Variants in ZBTB40 observed in about 807,000 individuals in gnomAD.
The protein encoded by ZBTB40 is zinc finger and BTB domain containing 40.
ZBTB40 carries 60 observed loss-of-function variants against 117.5 expected under a neutral mutation model. The ratio of observed to expected loss-of-function variants is 0.51; its 90% confidence interval spans 0.41 to 0.63. ZBTB40 has a LOEUF of 0.63. ZBTB40 is among the 30% of genes least tolerant of loss of function. The pLI is 0.00. For synonymous variants in ZBTB40, 525 were observed against 577.1 expected (o/e 0.91, Z 1.29); for missense variants, 1,287 against 1,498.5 (o/e 0.86, Z 2.33).
chr1:22,479,691 C>T (rs1166044005), intron 1 of ZBTB40, among the ~76,000 whole-genome samples: 2 of 152,214 alleles, frequency 1.3e-5, no homozygotes, highest in East Asian at 1.9e-4. Flanking sequence ...CACATGTTCT[C>T]CAGTGTCTCC....
chr1:22,522,788 CAG>C (rs1403995816), intron 16 of ZBTB40, among the ~76,000 whole-genome samples: 4 of 146,234 alleles, frequency 2.7e-5, no homozygotes, highest in Non-Finnish European at 5.9e-5. Context: ...TTTTTTGAGA[CAG>C]AGTCTCACTC....
rs368689195 is a variant in ZBTB40 at position 22,507,925 on chromosome 1, C to A, written c.1361-76C>A. ...TGTGCTGATTGCTCTCTTCCTCTCT[C>A]ATTGGTAATATCCTGGAGTCTTCTG... On this transcript the variant is annotated intron_variant, in intron 6 of 17. Transcript: ENST00000375647. The A allele has an allele frequency of 1.6e-5, 25 of 1,608,482 alleles. No homozygotes were observed. In the East Asian group the frequency reaches 2.5e-4, roughly 16 times the overall value.
chr1:22,456,066 A>T (rs1423604954), intron 1 of ZBTB40, among the ~76,000 whole-genome samples: 1 of 152,020 alleles, frequency 6.6e-6, no homozygotes, highest in Non-Finnish European at 1.5e-5. Context: ...TTGAATTGGG[A>T]TATATGGTTT....
rs773414943 is a variant in ZBTB40 at position 22,490,547 on chromosome 1, C to T, written c.599C>T (p.Ala200Val). 50 of 1,612,850 alleles carry T rather than the reference C, an allele frequency of 3.1e-5. No individual in the cohort carries two copies. Among genetic ancestry groups the T allele is most frequent in the Non-Finnish European group, 4.2e-5 (49 of 1,179,452 alleles). Reference protein sequence around the residue: ...SPTAQESQRNAETPAETPTTA... With the variant: ...SPTAQESQRNVETPAETPTTA... ...ACAGCCCAGGAGAGCCAGAGGAATG[C>T]AGAAACCCCAGCGGAGACTCCTACT... Residue 200 changes from alanine (A) to valine (V), a missense_variant, in exon 2 of 18, where the codon GCA (alanine) becomes GTA (valine). Transcript: ENST00000375647.
intron 1 of ZBTB40, among the ~76,000 whole-genome samples, chr1:22,461,462 C>A (rs114067298): frequency 0.015 from 2,260 of 152,038 alleles, 61 homozygotes; most frequent in African/African-American, 0.052. Flanking sequence ...GAGAAGTTAT[C>A]CTCTTTTACG....
rs1429454811 is a variant in ZBTB40, at chr1:22,512,124, C to T, written c.2451C>T (p.Ala817=). ...GTGACCTCTGTGGCAGAGAATTTGCCCATGCCTCAGGTACGTTCAAGAAGG... is the reference window on the plus strand; with the variant it reads ...GTGACCTCTGTGGCAGAGAATTTGCTCATGCCTCAGGTACGTTCAAGAAGG... ...VTCDLCGREF[A]HASGMQYHKL... The change falls in exon 11 of 18, where the codon GCC becomes GCT. Residue 817 remains alanine (A), a synonymous_variant. Transcript: ENST00000375647. 1.9e-6 allele frequency: 3 copies of T among 1,612,828 alleles called. No homozygotes were observed. The highest frequency in any genetic ancestry group is 2.5e-6 in the Non-Finnish European group (3 of 1,180,018).
At chr1:22,523,893 T>C (rs1639605534) in intron 16 of ZBTB40, among the ~76,000 whole-genome samples, 1 of 152,212 alleles carries the variant, frequency 6.6e-6, no homozygotes, top group African/African-American at 2.4e-5. Flanking sequence ...TGATGAAATA[T>C]AGTATCGTCA....
intron 1 of ZBTB40, among the ~76,000 whole-genome samples, chr1:22,485,728 C>G (rs1217245149): frequency 6.6e-6 from 1 of 152,056 alleles, no homozygotes; most frequent in African/African-American, 2.4e-5. Context: ...GTTAGATATT[C>G]TGTTCTGTTT....
intron 15 of ZBTB40, 66 bp downstream of exon 15, chr1:22,521,724 C>T: frequency 6.2e-7 from 1 of 1,600,396 alleles, no homozygotes; most frequent in Non-Finnish European, 8.6e-7. Context: ...TGGGCCCCAC[C>T]AGAAATCCCC....
intron 1 of ZBTB40, among the ~76,000 whole-genome samples, chr1:22,453,822 T>G (rs1436723991): frequency 6.6e-6 from 1 of 152,230 alleles, no homozygotes; most frequent in Admixed American, 6.5e-5. Flanking sequence ...AGGAGGTCCT[T>G]AAGGGCAGGG....
Position 22,506,087 on chromosome 1 carries a change from G to A in ZBTB40, c.1206G>A (p.Glu402=). The change falls in exon 6 of 18, where the codon GAG becomes GAA. Residue 402 remains glutamate, a synonymous_variant. Transcript: ENST00000375647. ...GCTGTGAGGGCAGAACACCCAAGGA[G>A]ACAATAGAAAATTTGTTGCACAGAA... ...LNCCEGRTPK[E]TIENLLHRMT... The A allele has an allele frequency of 1.9e-6, 3 of 1,614,154 alleles. No individual in the cohort carries two copies. The highest frequency in any genetic ancestry group is 2.7e-5 in the African/African-American group (2 of 75,040).
Position 22,526,237 on chromosome 1 carries a change from G to C in ZBTB40, c.3561G>C (p.Glu1187Asp). 1 of 1,614,208 alleles carries C rather than the reference G, an allele frequency of 6.2e-7. No homozygotes were observed. Among genetic ancestry groups the C allele is most frequent in the Non-Finnish European group, 8.5e-7 (1 of 1,180,042 alleles). ...IQTPEPVAPTEQVITLEETQL... is the reference protein window; with the variant it reads ...IQTPEPVAPTDQVITLEETQL... ...CCCCAGAGCCGGTGGCCCCGACAGA[G>C]CAGGTGATCACTTTGGAGGAGACCC... Residue 1187 changes from glutamate (E) to aspartate (D), a missense_variant, in exon 18 of 18, where the codon GAG (glutamate) becomes GAC (aspartate). By Grantham distance (45) the Glu-to-Asp change is conservative. Transcript: ENST00000375647.
chr1:22,435,564 T>A lies in ZBTB40; in HGVS notation c.-70+6550T>A, dbSNP rs551453665. Among the ~76,000 whole-genome samples, 6 of 152,274 alleles carry A rather than the reference T, an allele frequency of 3.9e-5. No individual in the cohort carries two copies. In the East Asian group the frequency reaches 1.2e-3, roughly 29 times the overall value. On this transcript the variant is annotated intron_variant, in intron 1 of 8. Coordinates refer to the ZBTB40 transcript ENST00000650433. Reference sequence around the variant, plus strand: ...CTCATTTTTCTTGGATTGTACAGAATAATACCTTCAATTTAATGTTAAAGA... The same window carrying A: ...CTCATTTTTCTTGGATTGTACAGAAAAATACCTTCAATTTAATGTTAAAGA...
rs779514773 is a variant in ZBTB40 at position 22,508,049 on chromosome 1, A to G, written c.1409A>G (p.His470Arg). 4 of 1,614,226 alleles carry G rather than the reference A, an allele frequency of 2.5e-6. No homozygotes were observed. The South Asian group carries it at 3.3e-5, about 13-fold the overall frequency. Residue 470 changes from histidine (H) to arginine (R), a missense_variant, in exon 7 of 18, where the codon CAT (histidine) becomes CGT (arginine). By Grantham distance (29) the His-to-Arg change is conservative. This residue lies in a region of ZBTB40 where 870 missense variants were observed against 934.4 expected (regional missense o/e 0.93). Transcript: ENST00000375647. ...DYGTELLRRY[H>R]ENLSEIFTDN... is the part of the protein sequence containing the mutation. ...GGGACTGAGCTATTGAGACGCTATC[A>G]TGAAAACCTCTCTGAGATTTTCACA... is the stretch of plus-strand genomic sequence containing the variant.
chr1:22,520,334 T>C, intron 14 of ZBTB40, 59 bp downstream of exon 14: 1 of 1,413,492 alleles, frequency 7.1e-7, no homozygotes, highest in South Asian at 1.2e-5. Context: ...CTCCATTTGA[T>C]CTTCCCTGAT....
intron 12 of ZBTB40, among the ~76,000 whole-genome samples, chr1:22,515,765 G>T (rs1274285060): frequency 1.3e-5 from 2 of 152,214 alleles, no homozygotes; most frequent in Non-Finnish European, 2.9e-5. Context: ...ACACAGGTTT[G>T]AGGAATTAGG....
At chr1:22,453,338 C>G (rs981605919) in intron 1 of ZBTB40, among the ~76,000 whole-genome samples, 1 of 152,116 alleles carries the variant, frequency 6.6e-6, no homozygotes, top group African/African-American at 2.4e-5. Flanking sequence ...CATGCATGTA[C>G]GCATGCATTC....
chr1:22,451,895 C>T lies in ZBTB40; in HGVS notation c.-179C>T, dbSNP rs1234589226. On this transcript the variant is annotated 5_prime_UTR_variant, in exon 1 of 18. Coordinates refer to ENST00000375647, the MANE Select transcript of ZBTB40 (RefSeq NM_014870.4). ...CCTCAAGATGGCCGCCTTCTGGCGT[C>T]TCCGGCGCTGTTGAATGGCGAAAGC... 1 of 152,372 alleles carries T rather than the reference C, an allele frequency of 6.6e-6. No individual in the cohort carries two copies. Among genetic ancestry groups the T allele is most frequent in the Non-Finnish European group, 1.5e-5 (1 of 68,082 alleles). 9.4% of individuals were successfully genotyped at this position (152,372 alleles called of 1,614,324 possible).
intron 1 of ZBTB40, among the ~76,000 whole-genome samples, chr1:22,486,875 C>T (rs1638485978): frequency 6.6e-6 from 1 of 152,044 alleles, no homozygotes; most frequent in South Asian, 2.1e-4. Context: ...GCTGGGGTTC[C>T]AGGTGCCCGC....
Sources: gnomAD v4.1 joint callset for allele counts (sites outside exome capture counted in the v4.1 genomes callset) on GRCh38, gnomAD v4.1.1 for gene constraint, gnomAD v4.1.1 regional missense constraint, MANE v1.5 for transcripts, NCBI Gene and HGNC (gene_info 2026-07-23, HGNC 2026-07-21) for gene names.